Variants in TMEM44 observed in about 807,000 individuals in gnomAD.
TMEM44 encodes transmembrane protein 44.
A neutral mutation model predicts 47.8 loss-of-function variants in TMEM44; 43 were observed. The ratio of observed to expected loss-of-function variants is 0.90; its 90% CI spans 0.70 to 1.16. The LOEUF is 1.16. Among genes scored for constraint, TMEM44 ranks in the 50% most tolerant of loss-of-function variants. The pLI is 0.00. For missense variants in TMEM44, 568 were observed against 555.2 expected (o/e 1.02, Z -0.23); for synonymous variants, 277 against 238.8 (o/e 1.16, Z -1.48).
At chr3:194,620,129 A>G (rs1015882795) in intron 5 of TMEM44, among the ~76,000 whole-genome samples, 2 of 151,926 alleles carry the variant, frequency 1.3e-5, no homozygotes, top group Non-Finnish European at 2.9e-5. Context: ...TGTCTCTACT[A>G]AAAATACAAA....
intron 9 of TMEM44, among the ~76,000 whole-genome samples, chr3:194,594,117 T>TTCTG (rs1553824378): frequency 2.3e-5 from 2 of 85,420 alleles, no homozygotes; most frequent in Admixed American, 1.2e-4. Context: ...TGGCCTAATT[T>TTCTG]TCTATCTATC....
At chr3:194,608,176 G>C (rs1430069621) in intron 8 of TMEM44, among the ~76,000 whole-genome samples, 1 of 152,220 alleles carries the variant, frequency 6.6e-6, no homozygotes, top group Non-Finnish European at 1.5e-5. Flanking sequence ...TCGGAAGGAT[G>C]GTTTAATGGC....
At chr3:194,608,568 G>A (rs1037938987) in intron 8 of TMEM44, among the ~76,000 whole-genome samples, 5 of 152,184 alleles carry the variant, frequency 3.3e-5, no homozygotes, top group African/African-American at 7.2e-5. Flanking sequence ...GTCCTGCTTC[G>A]GACTGGGTGG....
intron 5 of TMEM44, among the ~76,000 whole-genome samples, chr3:194,620,576 G>A (rs1408860243): frequency 6.6e-6 from 1 of 152,170 alleles, no homozygotes; most frequent in Non-Finnish European, 1.5e-5. Context: ...CCTCAGGACC[G>A]GGCAGCAACC....
chr3:194,601,149 G>T (rs1815565), intron 9 of TMEM44, among the ~76,000 whole-genome samples: 72,737 of 145,994 alleles, frequency 0.5, 19,693 homozygotes, highest in East Asian at 0.77. Context: ...TTACTTGTTT[G>T]TTTTTTTTTT....
At chr3:194,612,944 A>G (rs1675962) in intron 7 of TMEM44, among the ~76,000 whole-genome samples, 136,579 of 152,184 alleles carry the variant, frequency 0.9, 61,383 homozygotes, top group East Asian at 0.98. Context: ...GAACCACTGC[A>G]CCCAGCCTAT....
intron 7 of TMEM44, among the ~76,000 whole-genome samples, chr3:194,612,102 G>C (rs1305847950): frequency 6.6e-6 from 1 of 152,116 alleles, no homozygotes; most frequent in Non-Finnish European, 1.5e-5. Flanking sequence ...AGATTCGGGA[G>C]ATCTGGGTGG....
chr3:194,593,998 TGG>T (rs937729837), intron 9 of TMEM44, among the ~76,000 whole-genome samples: 15 of 151,848 alleles, frequency 9.9e-5, no homozygotes, highest in African/African-American at 2.9e-4. Flanking sequence ...ATTTTTTTAG[TGG>T]AGATGAGGTC....
intron 9 of TMEM44, among the ~76,000 whole-genome samples, chr3:194,591,826 C>T (rs1328621604): frequency 6.6e-6 from 1 of 151,996 alleles, no homozygotes; most frequent in African/African-American, 2.4e-5. Context: ...AGACTGGTCT[C>T]CAACTCCTGA....
chr3:194,593,487 A>G (rs112485092), intron 9 of TMEM44, among the ~76,000 whole-genome samples: 3 of 152,234 alleles, frequency 2.0e-5, no homozygotes, highest in South Asian at 4.1e-4. Context: ...CCTTGCAAAT[A>G]TGGGGTATTT....
chr3:194,604,650 T>C (rs1054224019), intron 8 of TMEM44, among the ~76,000 whole-genome samples: 16 of 152,246 alleles, frequency 1.1e-4, no homozygotes, highest in African/African-American at 3.9e-4. Flanking sequence ...AGATACTCTA[T>C]ACACATACAA....
intron 9 of TMEM44, among the ~76,000 whole-genome samples, chr3:194,599,326 C>T (rs1047722255): frequency 6.6e-6 from 1 of 152,102 alleles, no homozygotes; most frequent in African/African-American, 2.4e-5. Flanking sequence ...AGAAAATGTG[C>T]GCTGCATGAG....
intron 5 of TMEM44, among the ~76,000 whole-genome samples, chr3:194,620,852 T>C (rs1716450753): frequency 1.3e-5 from 2 of 151,366 alleles, no homozygotes; most frequent in South Asian, 4.2e-4. Flanking sequence ...CATGGTGCAC[T>C]CTCGTCTCTA....
In TMEM44 at chr3:194,633,377, C is replaced by T; in HGVS notation, c.-162G>A. Reference sequence around the variant, plus strand: ...GACCGCGGGCAGAGAAGGGCGCGCTCCCGGGCGCGGGCGGCGGCGGCGAAG... The same window carrying T: ...GACCGCGGGCAGAGAAGGGCGCGCTTCCGGGCGCGGGCGGCGGCGGCGAAG... On this transcript the variant is annotated 5_prime_UTR_variant, in exon 1 of 10. Coordinates refer to ENST00000347147, the MANE Select transcript of TMEM44 (RefSeq NM_001011655.3). The T allele has an allele frequency of 4.4e-6, 1 of 225,554 alleles. No individual in the cohort carries two copies. The highest frequency in any genetic ancestry group is 7.5e-6 in the Non-Finnish European group (1 of 133,882). The allele number at this position is 225,554 out of a possible 1,614,324, so 14.0% of individuals were successfully genotyped here.
intron 9 of TMEM44, 104 bp from the exon 10 acceptor site, chr3:194,588,743 TC>T: frequency 8.7e-7 from 1 of 1,143,636 alleles, no homozygotes; most frequent in South Asian, 1.3e-5. Flanking sequence ...GTTCTCATGA[TC>T]CAGGCACAGA....
chr3:194,623,339 C>G, intron 4 of TMEM44, 29 bp from the exon 5 acceptor site: 1 of 1,579,118 alleles, frequency 6.3e-7, no homozygotes, highest in African/African-American at 1.3e-5. Flanking sequence ...GATCCACCAT[C>G]AGTACTCTGC....
At chr3:194,626,830 C>A (rs926581476) in intron 2 of TMEM44, among the ~76,000 whole-genome samples, 7 of 151,850 alleles carry the variant, frequency 4.6e-5, no homozygotes, top group Admixed American at 1.3e-4. Context: ...ACTTCAGGCG[C>A]CTGCCACCAC....
chr3:194,588,852 C>T (rs1400743430), intron 9 of TMEM44, among the ~76,000 whole-genome samples: 1 of 152,094 alleles, frequency 6.6e-6, no homozygotes, highest in Non-Finnish European at 1.5e-5. Flanking sequence ...GAACAACCAC[C>T]CTAAACATAA....
Position 194,628,457 on chromosome 3 carries a change from A to G in TMEM44, c.190T>C (p.Cys64Arg). 6.2e-7 allele frequency: 1 copy of G among 1,613,684 alleles called. No homozygotes were observed. The highest frequency in any genetic ancestry group is 1.3e-5 in the African/African-American group (1 of 75,056). The change falls in exon 2 of 10, where the codon TGT becomes CGT. Residue 64 changes from cysteine (C) to arginine (R), a missense_variant. Transcript: ENST00000347147. ...QKPRQDQSAL[C>R]AACCLLTSLC... is the part of the protein sequence containing the mutation. ...CTGGTCAGGAGGCAGCACGCAGCAC[A>G]CAGTGCCGACTGGTCCTGTCTGGGT...
Sources: gnomAD v4.1 joint callset for allele counts (sites outside exome capture counted in the v4.1 genomes callset) on GRCh38, gnomAD v4.1.1 for gene constraint, MANE v1.5 for transcripts, NCBI Gene and HGNC (gene_info 2026-07-23, HGNC 2026-07-21) for gene names.